Variants in SND1 observed in about 807,000 individuals in gnomAD.
SND1 encodes staphylococcal nuclease and tudor domain containing 1, also known as staphylococcal nuclease domain-containing protein 1.
Under a neutral mutation model 121.7 loss-of-function variants are expected in SND1, and 38 were observed. The ratio of observed to expected loss-of-function variants is 0.31; its 90% CI spans 0.24 to 0.41. The LOEUF (loss-of-function observed/expected upper bound fraction) is 0.41, where lower values mean the gene tolerates loss of function less well. SND1 is among the 10% of genes least tolerant of loss of function. SND1 has a pLI of 1.00. For missense variants in SND1, 868 were observed against 1,184.6 expected (o/e 0.73, Z 3.92); for synonymous variants, 401 against 447.4 (o/e 0.90, Z 1.31).
At chr7:127,735,890 A>C (rs111361464) in intron 10 of SND1, among the ~76,000 whole-genome samples, 18,851 of 152,198 alleles carry the variant, frequency 0.12, 1,459 homozygotes, top group Admixed American at 0.24. Context: ...CCAGCCTCCC[A>C]AAGTGCTGGG....
chr7:127,914,101 G>T (rs1336902145), intron 14 of SND1, among the ~76,000 whole-genome samples: 1 of 152,102 alleles, frequency 6.6e-6, no homozygotes, highest in Non-Finnish European at 1.5e-5. Context: ...ATACAGTATC[G>T]AATTTGGAAG....
chr7:128,040,695 A>G (rs990525237), intron 16 of SND1, among the ~76,000 whole-genome samples: 7 of 152,168 alleles, frequency 4.6e-5, no homozygotes, highest in Admixed American at 2.0e-4. Flanking sequence ...AATCTATTCA[A>G]TTTGGCTTGA....
intron 12 of SND1, among the ~76,000 whole-genome samples, chr7:127,869,680 A>C (rs2116697490): frequency 6.6e-6 from 1 of 152,288 alleles, no homozygotes; most frequent in South Asian, 2.1e-4. Flanking sequence ...TATCAAAACC[A>C]GGAAGTTTAC....
chr7:127,823,389 A>G (rs1371380402), intron 11 of SND1, among the ~76,000 whole-genome samples: 1 of 152,164 alleles, frequency 6.6e-6, no homozygotes, highest in Non-Finnish European at 1.5e-5. Context: ...GAGAGAACTC[A>G]ACATCTTATT....
chr7:128,014,837 C>T (rs1803193322), intron 16 of SND1, among the ~76,000 whole-genome samples: 1 of 152,114 alleles, frequency 6.6e-6, no homozygotes, highest in Admixed American at 6.6e-5. Flanking sequence ...AGAATGCTTC[C>T]CTGTATCCAT....
At chr7:128,027,463 G>A (rs6944446) in intron 16 of SND1, 86,960 of 152,274 alleles carry the variant, frequency 0.57, 25,799 homozygotes, top group African/African-American at 0.72. Flanking sequence ...ATTACTTTAC[G>A]TGAGCCTGTA....
Position 127,686,694 on chromosome 7 carries a change from A to G in SND1, c.160A>G (p.Ile54Val), listed in dbSNP as rs764584983. 2.5e-5 allele frequency: 40 copies of G among 1,614,114 alleles called. No individual in the cohort carries two copies. The highest frequency in any genetic ancestry group is 3.3e-5 in the Admixed American group (2 of 60,020). Residue 54 changes from isoleucine to valine, a missense_variant, in exon 2 of 24, where the codon ATT (isoleucine) becomes GTT (valine). Coordinates refer to ENST00000354725, the MANE Select transcript of SND1 (RefSeq NM_014390.4). ...PPERQINLSN[I>V]RAGNLARRAA... ...TGAGCGGCAGATCAACCTCAGCAAC[A>G]TTCGTGCTGGAAATCTTGCTCGCCG...
chr7:127,946,757 AG>A (rs1400444746), intron 15 of SND1, among the ~76,000 whole-genome samples: 1 of 152,190 alleles, frequency 6.6e-6, no homozygotes, highest in Non-Finnish European at 1.5e-5. Context: ...TTAAGCCTCA[AG>A]TTTTTTATTT....
At chr7:128,065,509 T>A (rs185447012) in intron 16 of SND1, among the ~76,000 whole-genome samples, 15 of 152,374 alleles carry the variant, frequency 9.8e-5, no homozygotes, top group Admixed American at 3.3e-4. Context: ...GAACTTGACC[T>A]GATTGGACAA....
At chr7:127,729,788 T>C (rs1796642659) in intron 10 of SND1, among the ~76,000 whole-genome samples, 1 of 152,220 alleles carries the variant, frequency 6.6e-6, no homozygotes, top group Admixed American at 6.5e-5. Context: ...TCTGTCACTG[T>C]TCTAGAAAAA....
chr7:127,750,946 A>G (rs751967571), intron 10 of SND1, among the ~76,000 whole-genome samples: 2 of 152,116 alleles, frequency 1.3e-5, no homozygotes, highest in African/African-American at 4.8e-5. Context: ...CTTCCCTTCC[A>G]TTTAACCTAG....
chr7:127,772,041 G>A (rs559605663), intron 10 of SND1, among the ~76,000 whole-genome samples: 21 of 152,278 alleles, frequency 1.4e-4, no homozygotes, highest in African/African-American at 3.6e-4. Flanking sequence ...TAGAAAAGAC[G>A]CTAATTTAAA....
chr7:127,703,838 T>C (rs921443566), intron 7 of SND1, among the ~76,000 whole-genome samples: 1 of 152,234 alleles, frequency 6.6e-6, no homozygotes, highest in African/African-American at 2.4e-5. Flanking sequence ...TCAAGTGTTA[T>C]TGGGTTCATA....
Position 128,062,260 on chromosome 7 carries a change from C to G in SND1, c.1780-12242C>G, listed in dbSNP as rs776456989. Among the ~76,000 whole-genome samples the G allele has an allele frequency of 1.6e-4, 24 of 152,236 alleles. 1 individual carries two copies. The highest frequency in any genetic ancestry group is 3.1e-4 in the Non-Finnish European group (21 of 68,042). On this transcript the variant is annotated intron_variant, in intron 16 of 23. Transcript: ENST00000354725. ...ATCGCTTGGTGAGGAAAGCAGGCTT[C>G]TGTCAGGCTTTCTGCTTGGCACATG...
At chr7:127,717,981 C>A (rs1182049940) in intron 9 of SND1, among the ~76,000 whole-genome samples, 4 of 152,134 alleles carry the variant, frequency 2.6e-5, no homozygotes, top group Non-Finnish European at 5.9e-5. Flanking sequence ...CCTAACGGAA[C>A]TCTGGTTTTC....
At chr7:127,794,737 G>C (rs758943060) in intron 10 of SND1, among the ~76,000 whole-genome samples, 17 of 152,188 alleles carry the variant, frequency 1.1e-4, no homozygotes, top group Non-Finnish European at 2.5e-4. Flanking sequence ...TGTACTTTAA[G>C]TAACGGGGTT....
intron 12 of SND1, among the ~76,000 whole-genome samples, chr7:127,849,634 A>G (rs1376910392): frequency 6.6e-6 from 1 of 152,150 alleles, no homozygotes; most frequent in Non-Finnish European, 1.5e-5. Context: ...AACAATACAC[A>G]TGGCCCATTT....
chr7:128,032,116 C>G (rs1334635761), intron 16 of SND1: 1 of 151,936 alleles, frequency 6.6e-6, no homozygotes, highest in Non-Finnish European at 1.5e-5. Flanking sequence ...GTACTGCTGA[C>G]GCATACTGTT....
chr7:127,821,745 C>T (rs1422582385), intron 11 of SND1, among the ~76,000 whole-genome samples: 1 of 151,668 alleles, frequency 6.6e-6, no homozygotes, highest in African/African-American at 2.4e-5. Flanking sequence ...GTAGAAAGCA[C>T]ATATATGGAT....
Sources: allele counts gnomAD v4.1 joint callset (sites outside exome capture counted in the v4.1 genomes callset), GRCh38; gene constraint gnomAD v4.1.1; transcripts MANE v1.5; gene names NCBI Gene and HGNC (gene_info 2026-07-23, HGNC 2026-07-21).